CDK5RAP2: variants seen among roughly 807,000 people sequenced by gnomAD.
CDK5RAP2 encodes the protein CDK5 regulatory subunit associated protein 2, also known as CDK5 regulatory subunit-associated protein 2.
A neutral mutation model predicts 232.9 loss-of-function variants in CDK5RAP2; 147 were observed. That is an observed-to-expected ratio of 0.63 (90% CI 0.55 to 0.72). The LOEUF (loss-of-function observed/expected upper bound fraction) is 0.72. Ranked by LOEUF, CDK5RAP2 falls within the 30% of genes least tolerant of loss-of-function variation. The probability of loss-of-function intolerance (pLI) is 0.00; values close to 1 mark genes in which losing one functional copy is unlikely to be tolerated. For missense variants in CDK5RAP2, 2,195 were observed against 2,231.5 expected, an observed-to-expected ratio of 0.98 and a Z score of 0.33; for synonymous variants, 833 against 833.7, an observed-to-expected ratio of 1.00 and a Z score of 0.01.
At position 120,475,460 on chromosome 9, in the gene CDK5RAP2, A is replaced by C. The variant is rs550368556; in HGVS notation, c.1727+1890T>G. Among the ~76,000 whole-genome samples the C allele has an allele frequency of 2.0e-5, 3 of 152,222 alleles. No individual in the cohort carries two copies. The East Asian group carries it at 5.8e-4, about 29-fold the overall frequency. On this transcript the variant is annotated intron_variant, in intron 15 of 37. Transcript: ENST00000349780. ...GACTCAGGAGCAACCATATCCACCCACAAGGCCTCTCAGTACCCAGAATCA... is the reference window on the plus strand; with the variant it reads ...GACTCAGGAGCAACCATATCCACCCCCAAGGCCTCTCAGTACCCAGAATCA...
intron 26 of CDK5RAP2, among the ~76,000 whole-genome samples, chr9:120,420,452 A>G (rs2034499200): frequency 6.6e-6 from 1 of 152,184 alleles, no homozygotes; most frequent in African/African-American, 2.4e-5. Flanking sequence ...AGAATGTGAG[A>G]GCCCAGCCCA....
intron 3 of CDK5RAP2, among the ~76,000 whole-genome samples, chr9:120,567,584 T>A (rs2042693154): frequency 6.6e-6 from 1 of 152,216 alleles, no homozygotes; most frequent in Non-Finnish European, 1.5e-5. Context: ...TATTTTCCTG[T>A]TACTTGACAA....
At chr9:120,557,481 C>T (rs180795362) in intron 3 of CDK5RAP2, among the ~76,000 whole-genome samples, 1 of 152,268 alleles carries the variant, frequency 6.6e-6, no homozygotes, top group African/African-American at 2.4e-5. Flanking sequence ...CTTGGCCAGG[C>T]AGTGTGGCTC....
At chr9:120,565,770 C>A (rs947696363) in intron 3 of CDK5RAP2, among the ~76,000 whole-genome samples, 1 of 152,188 alleles carries the variant, frequency 6.6e-6, no homozygotes, top group African/African-American at 2.4e-5. Flanking sequence ...CCTCCAGAGG[C>A]TTCTCTGAAC....
chr9:120,413,947 G>A (rs939602069), intron 28 of CDK5RAP2, among the ~76,000 whole-genome samples: 1 of 152,230 alleles, frequency 6.6e-6, no homozygotes, highest in Admixed American at 6.5e-5. Flanking sequence ...TGGTAGCTAT[G>A]ATGGCTAGAG....
At chr9:120,410,465 G>A (rs2033779943) in intron 29 of CDK5RAP2, among the ~76,000 whole-genome samples, 1 of 152,156 alleles carries the variant, frequency 6.6e-6, no homozygotes, top group South Asian at 2.1e-4. Flanking sequence ...CTTCTCCAGG[G>A]TCCTGCAGTT....
chr9:120,491,411 G>T lies in CDK5RAP2; in HGVS notation c.1378C>A (p.Arg460Ser), dbSNP rs772594162. 6.2e-7 allele frequency: 1 copy of T among 1,611,598 alleles called. No homozygotes were observed. Among genetic ancestry groups the T allele is most frequent in the South Asian group, 1.1e-5 (1 of 90,982 alleles). The change falls in exon 13 of 38, where the codon CGT (arginine) becomes AGT (serine). Residue 460 changes from arginine to serine, a missense_variant. Transcript: ENST00000349780. ...CTTTCACTCAGAAGACTCTTGTAAC[G>T]ATTTTCCATTGCTTTCTCTCTTTCA... ...VNEREKAMENRYKSLLSESNK... is the reference protein window; with the variant it reads ...VNEREKAMENSYKSLLSESNK...
intron 25 of CDK5RAP2, among the ~76,000 whole-genome samples, chr9:120,436,246 T>C (rs1385213650): frequency 2.0e-5 from 3 of 152,142 alleles, no homozygotes; most frequent in African/African-American, 7.2e-5. Context: ...ACCAATTTAA[T>C]CTAATCATGA....
chr9:120,518,206 TGTGTGA>T (rs1453451258), intron 12 of CDK5RAP2, among the ~76,000 whole-genome samples: 22 of 108,926 alleles, frequency 2.0e-4, no homozygotes, highest in African/African-American at 8.3e-4. Flanking sequence ...TGTGTGTGTG[TGTGTGA>T]GAGAGAGAGA....
chr9:120,528,773 CCTT>C lies in CDK5RAP2; in HGVS notation c.847_849del (p.Lys283del). 1 of 1,610,164 alleles carries C rather than the reference CCTT, an allele frequency of 6.2e-7. No individual in the cohort carries two copies. ...ATCCTCTCTTCAAAGCTGTTTCTCT[CCTT>C]CTGATGCTCCATTTGTGCAGCCTAA... On this transcript the variant is annotated inframe_deletion, in exon 9 of 38. Coordinates refer to ENST00000349780, the MANE Select transcript of CDK5RAP2 (RefSeq NM_018249.6).
intron 19 of CDK5RAP2, among the ~76,000 whole-genome samples, chr9:120,459,909 G>C (rs890936014): frequency 6.6e-6 from 1 of 152,142 alleles, no homozygotes; most frequent in Non-Finnish European, 1.5e-5. Context: ...CCAGTCTCTA[G>C]GGTTCTTTCA....
chr9:120,424,419 C>T (rs1042381616), intron 25 of CDK5RAP2, among the ~76,000 whole-genome samples: 7 of 152,206 alleles, frequency 4.6e-5, no homozygotes, highest in East Asian at 1.9e-4. Context: ...GAAATCCAAA[C>T]CTGACTGAGT....
At chr9:120,482,646 T>C (rs982053207) in intron 14 of CDK5RAP2, among the ~76,000 whole-genome samples, 1 of 152,210 alleles carries the variant, frequency 6.6e-6, no homozygotes, top group African/African-American at 2.4e-5. Flanking sequence ...TTTACAAGGC[T>C]GAGGGCTCCT....
At chr9:120,398,596 ATT>A (rs1374880635) in intron 35 of CDK5RAP2, among the ~76,000 whole-genome samples, 8 of 152,196 alleles carry the variant, frequency 5.3e-5, no homozygotes, top group Non-Finnish European at 1.0e-4. Flanking sequence ...CATGTAATGC[ATT>A]TATATACTTG....
intron 3 of CDK5RAP2, among the ~76,000 whole-genome samples, chr9:120,562,911 T>C (rs777447124): frequency 1.3e-5 from 2 of 152,172 alleles, no homozygotes; most frequent in Non-Finnish European, 2.9e-5. Flanking sequence ...TAGTATTCCA[T>C]ACAAGGTTAC....
At chr9:120,521,949 C>T (rs2040686271) in intron 11 of CDK5RAP2, among the ~76,000 whole-genome samples, 2 of 152,038 alleles carry the variant, frequency 1.3e-5, no homozygotes, top group Admixed American at 6.6e-5. Context: ...CTGGCCTAAA[C>T]CTTTTTCTTT....
At chr9:120,465,482 C>T (rs947348099) in intron 18 of CDK5RAP2, among the ~76,000 whole-genome samples, 1 of 151,676 alleles carries the variant, frequency 6.6e-6, no homozygotes, top group Non-Finnish European at 1.5e-5. Flanking sequence ...AACTGAGCAC[C>T]GTGGTACCCA....
intron 11 of CDK5RAP2, among the ~76,000 whole-genome samples, chr9:120,521,585 G>A (rs1474043973): frequency 2.7e-5 from 4 of 150,674 alleles, no homozygotes; most frequent in African/African-American, 9.8e-5. Flanking sequence ...TTTGCCTTCC[G>A]CCATGATTGT....
intron 9 of CDK5RAP2, among the ~76,000 whole-genome samples, chr9:120,528,176 G>C (rs2040990963): frequency 6.6e-6 from 1 of 152,192 alleles, no homozygotes; most frequent in African/African-American, 2.4e-5. Context: ...ATTCCTATGG[G>C]AAGGATTCCA....
Sources: gnomAD v4.1 joint callset for allele counts (sites outside exome capture counted in the v4.1 genomes callset) on GRCh38, gnomAD v4.1.1 for gene constraint, MANE v1.5 for transcripts, NCBI Gene and HGNC (gene_info 2026-07-23, HGNC 2026-07-21) for gene names.